Variants in RBFOX1 observed in about 807,000 individuals in gnomAD.
RBFOX1 encodes RNA binding fox-1 homolog 1, also known as RNA binding protein fox-1 homolog 1.
Under a neutral mutation model 57.7 loss-of-function variants are expected in RBFOX1, and 8 were observed. The ratio of observed to expected loss-of-function variants is 0.14; its 90% CI spans 0.08 to 0.25. RBFOX1 has a LOEUF of 0.25. Ranked by LOEUF, RBFOX1 falls within the 10% of genes least tolerant of loss-of-function variation. The pLI, the probability that RBFOX1 is intolerant of heterozygous loss-of-function variation, is 1.00. For missense variants in RBFOX1, 611 were observed against 548.5 expected (o/e 1.11, Z -1.14); for synonymous variants, 326 against 222.4 (o/e 1.47, Z -4.15).
At chr16:5,881,110 C>T (rs2057750026) in intron 4 of RBFOX1, among the ~76,000 whole-genome samples, 3 of 152,056 alleles carry the variant, frequency 2.0e-5, no homozygotes, top group East Asian at 1.9e-4. Flanking sequence ...TTATTTTTTC[C>T]TATCGAAGTT....
At chr16:7,360,313 G>A (rs927456194) in intron 4 of RBFOX1, among the ~76,000 whole-genome samples, 4 of 152,116 alleles carry the variant, frequency 2.6e-5, no homozygotes, top group Non-Finnish European at 4.4e-5. Context: ...GCCAAACTGT[G>A]GTCAACTGAA....
chr16:6,969,140 A>G (rs1290799508), intron 3 of RBFOX1, among the ~76,000 whole-genome samples: 1 of 152,078 alleles, frequency 6.6e-6, no homozygotes, highest in Non-Finnish European at 1.5e-5. Flanking sequence ...TATTCAGTCC[A>G]CTTTTAGCTG....
intron 1 of RBFOX1, among the ~76,000 whole-genome samples, chr16:6,106,962 T>C (rs1337651071): frequency 2.0e-5 from 3 of 152,158 alleles, no homozygotes; most frequent in African/African-American, 7.2e-5. Flanking sequence ...TGAGCCACCA[T>C]GCCTGGCCAC....
intron 1 of RBFOX1, among the ~76,000 whole-genome samples, chr16:5,429,689 A>C (rs1567498330): frequency 6.6e-6 from 1 of 152,192 alleles, no homozygotes; most frequent in African/African-American, 2.4e-5. Context: ...CTGAGGGGCC[A>C]TTATCCCTCC....
intron 7 of RBFOX1, among the ~76,000 whole-genome samples, chr16:7,594,590 C>G (rs1159642853): frequency 6.6e-6 from 1 of 151,996 alleles, no homozygotes; most frequent in Non-Finnish European, 1.5e-5. Context: ...ATTTTTGAGG[C>G]TGAAATATTA....
At chr16:6,261,337 C>A (rs1489260847) in intron 1 of RBFOX1, among the ~76,000 whole-genome samples, 1 of 152,208 alleles carries the variant, frequency 6.6e-6, no homozygotes, top group African/African-American at 2.4e-5. Flanking sequence ...GTTTTTCCAT[C>A]TTGAGGAAGG....
At chr16:7,360,091 C>A (rs779027133) in intron 4 of RBFOX1, among the ~76,000 whole-genome samples, 10 of 152,124 alleles carry the variant, frequency 6.6e-5, no homozygotes, top group Non-Finnish European at 1.3e-4. Flanking sequence ...TATTCCCTCC[C>A]CCTATGATGA....
intron 2 of RBFOX1, among the ~76,000 whole-genome samples, chr16:5,534,266 G>T (rs1475582102): frequency 6.6e-6 from 1 of 152,194 alleles, no homozygotes; most frequent in Non-Finnish European, 1.5e-5. Context: ...GAGTTCTCCA[G>T]AGGGACAGAA....
At chr16:6,637,576 T>TATATAGAATAGTCTATATAGTAC (rs1464733683) in intron 2 of RBFOX1, among the ~76,000 whole-genome samples, 3 of 138,464 alleles carry the variant, frequency 2.2e-5, no homozygotes, top group Non-Finnish European at 4.5e-5. Flanking sequence ...CTATATAGTA[T>TATATAGAATAGTCTATATAGTAC]ATATATAATA....
chr16:7,069,718 C>T (rs1031704091), intron 4 of RBFOX1, among the ~76,000 whole-genome samples: 3 of 152,090 alleles, frequency 2.0e-5, no homozygotes, highest in African/African-American at 4.8e-5. Flanking sequence ...GGGGCAGCAT[C>T]GAGGTGTGTT....
chr16:5,518,840 A>T (rs544645576), intron 2 of RBFOX1, among the ~76,000 whole-genome samples: 19 of 152,216 alleles, frequency 1.2e-4, no homozygotes, highest in Admixed American at 5.9e-4. Context: ...GGCTGTTATG[A>T]GTTGAACCGC....
At chr16:6,741,635 C>G (rs1031036049) in intron 3 of RBFOX1, among the ~76,000 whole-genome samples, 2 of 150,752 alleles carry the variant, frequency 1.3e-5, no homozygotes, top group Non-Finnish European at 2.9e-5. Context: ...TGCCACTGCA[C>G]TCCAGCCTGG....
intron 2 of RBFOX1, among the ~76,000 whole-genome samples, chr16:6,581,678 G>A (rs528943229): frequency 6.6e-6 from 1 of 152,180 alleles, no homozygotes; most frequent in Non-Finnish European, 1.5e-5. Context: ...TGCTAAGGGG[G>A]CCTCCCTCAT....
chr16:6,985,389 C>T (rs2090014441), intron 3 of RBFOX1, among the ~76,000 whole-genome samples: 2 of 152,146 alleles, frequency 1.3e-5, no homozygotes, highest in African/African-American at 4.8e-5. Context: ...ATAGGTATGG[C>T]TGGACAAGGT....
chr16:7,353,201 G>A lies in RBFOX1; in HGVS notation c.28-164946G>A, dbSNP rs191692759. ...TTGATTCACAAAAACCATACTTTTC[G>A]TCTCTAATTTAACTGGACATTCACC... is the stretch of plus-strand genomic sequence containing the variant. On this transcript the variant is annotated intron_variant, in intron 4 of 15. Coordinates refer to ENST00000550418, the MANE Select transcript of RBFOX1 (RefSeq NM_018723.4). Among the ~76,000 whole-genome samples the A allele has an allele frequency of 1.0e-3, 153 of 152,008 alleles. 2 individuals are homozygous for A. The highest frequency in any genetic ancestry group is 4.8e-3 in the Admixed American group (73 of 15,276).
intron 4 of RBFOX1, among the ~76,000 whole-genome samples, chr16:7,254,805 C>T (rs891902116): frequency 6.6e-6 from 1 of 151,992 alleles, no homozygotes; most frequent in East Asian, 1.9e-4. Context: ...GTATTTCATA[C>T]AATGATGAAC....
intron 1 of RBFOX1, among the ~76,000 whole-genome samples, chr16:6,146,762 C>T (rs568681330): frequency 1.0e-3 from 155 of 152,208 alleles, no homozygotes; most frequent in Non-Finnish European, 1.6e-3. Flanking sequence ...CTGAACCTTC[C>T]GGAGTGTCCC....
intron 4 of RBFOX1, among the ~76,000 whole-genome samples, chr16:7,079,142 G>C (rs1024816618): frequency 3.4e-4 from 51 of 152,114 alleles, no homozygotes; most frequent in African/African-American, 1.2e-3. Context: ...TACATTGTCT[G>C]TTGCTGTAGG....
intron 3 of RBFOX1, among the ~76,000 whole-genome samples, chr16:6,902,791 G>A (rs960660962): frequency 1.3e-5 from 2 of 152,136 alleles, no homozygotes; most frequent in African/African-American, 2.4e-5. Context: ...CATGTCATCA[G>A]AACCAAATAA....
Sources: gnomAD v4.1 joint callset for allele counts (sites outside exome capture counted in the v4.1 genomes callset) on GRCh38, gnomAD v4.1.1 for gene constraint, MANE v1.5 for transcripts, NCBI Gene and HGNC (gene_info 2026-07-23, HGNC 2026-07-21) for gene names.